Variants in MTMR7 observed in about 807,000 individuals in gnomAD.
The protein encoded by MTMR7 is myotubularin related protein 7, also known as phosphatidylinositol-3-phosphate phosphatase MTMR7.
MTMR7 carries 76 observed loss-of-function variants against 81.2 expected under a neutral mutation model. The observed-to-expected ratio is 0.94, with a 90% CI of 0.78 to 1.13. MTMR7 has a LOEUF of 1.13. MTMR7 is among the 50% of genes most tolerant of loss of function. MTMR7 has a pLI of 0.00. For missense variants in MTMR7, 1,044 were observed against 820.0 expected (o/e 1.27, Z -3.34); for synonymous variants, 372 against 289.8 (o/e 1.28, Z -2.88).
intron 1 of MTMR7, among the ~76,000 whole-genome samples, chr8:17,377,897 T>A (rs1820637034): frequency 6.6e-6 from 1 of 152,112 alleles, no homozygotes; most frequent in Non-Finnish European, 1.5e-5. Flanking sequence ...ATTATGAAAG[T>A]ATGGGAGGAG....
At chr8:17,317,303 G>A (rs73666110) in intron 7 of MTMR7, among the ~76,000 whole-genome samples, 3,223 of 152,272 alleles carry the variant, frequency 0.021, 138 homozygotes, top group African/African-American at 0.073. Flanking sequence ...TGCTATGGGG[G>A]ATTTGGCCAA....
At position 17,298,743 on chromosome 8, in the gene MTMR7, T is replaced by G. The variant is rs1029270111; in HGVS notation, c.*1119A>C. On this transcript the variant is annotated 3_prime_UTR_variant, in exon 14 of 14. Coordinates refer to ENST00000180173, the MANE Select transcript of MTMR7 (RefSeq NM_004686.5). ...CCACTTTTCCCCACTAAGTTTAATT[T>G]AGGTCACCTAGTGAAGTCTTTTTTA... is the stretch of plus-strand genomic sequence containing the variant. 2 of 152,616 alleles carry G rather than the reference T, an allele frequency of 1.3e-5. No homozygotes were observed. The highest frequency in any genetic ancestry group is 4.8e-5 in the African/African-American group (2 of 41,468). 9.5% of individuals were successfully genotyped at this position (152,616 alleles called of 1,614,324 possible).
rs187072358 is a variant in MTMR7 at position 17,335,871 on chromosome 8, A to G, written c.733-4589T>C. On this transcript the variant is annotated intron_variant, in intron 6 of 13. Transcript: ENST00000180173. ...GAATTCCAGTCCCGTATGTGACGCA[A>G]AATTAGCTCTTCCCCGCCGCCTTAC... is the stretch of plus-strand genomic sequence containing the variant. Among the ~76,000 whole-genome samples the G allele has an allele frequency of 3.9e-3, 598 of 152,294 alleles. 3 individuals carry two copies. The highest frequency in any genetic ancestry group is 0.014 in the African/African-American group (562 of 41,558).
intron 11 of MTMR7, among the ~76,000 whole-genome samples, chr8:17,304,746 CGTGTGT>C (rs10527892): frequency 2.5e-3 from 373 of 147,084 alleles, no homozygotes; most frequent in Non-Finnish European, 3.8e-3. Flanking sequence ...GTGTTCGATT[CGTGTGT>C]GTGTGTGTGT....
rs530262043 is a variant in MTMR7, at chr8:17,379,335, T to G, written c.25-6095A>C. Among the ~76,000 whole-genome samples, 21 of 152,244 alleles carry G rather than the reference T, an allele frequency of 1.4e-4. 1 individual carries two copies. Among genetic ancestry groups the G allele is most frequent in the African/African-American group, 5.1e-4 (21 of 41,544 alleles). ...TTTGAGCGGGCAGAAGCAGATAGTC[T>G]GACCACGCGAACTCCACCCCGGAGC... On this transcript the variant is annotated intron_variant, in intron 1 of 13. Transcript: ENST00000180173.
intron 1 of MTMR7, among the ~76,000 whole-genome samples, chr8:17,406,619 C>G: frequency 6.6e-6 from 1 of 152,192 alleles, no homozygotes; most frequent in Non-Finnish European, 1.5e-5. Context: ...TACGATTCAC[C>G]AAATTCTGTT....
At chr8:17,367,653 G>C (rs539583861) in intron 3 of MTMR7, among the ~76,000 whole-genome samples, 1 of 152,212 alleles carries the variant, frequency 6.6e-6, no homozygotes, top group African/African-American at 2.4e-5. Context: ...TTAATAATTT[G>C]ATTTACCTTA....
chr8:17,401,262 A>C (rs1821421629), intron 1 of MTMR7, among the ~76,000 whole-genome samples: 1 of 152,162 alleles, frequency 6.6e-6, no homozygotes, highest in Admixed American at 6.5e-5. Context: ...ATTTGAGCAA[A>C]GATCTAAAAA....
intron 1 of MTMR7, among the ~76,000 whole-genome samples, chr8:17,399,777 A>T (rs1557587): frequency 0.38 from 57,911 of 151,904 alleles, 13,280 homozygotes; most frequent in Admixed American, 0.56. Context: ...CATTATTCAC[A>T]GTAGTCGAGA....
intron 1 of MTMR7, among the ~76,000 whole-genome samples, chr8:17,405,855 C>A (rs1401292779): frequency 1.2e-5 from 1 of 84,680 alleles, no homozygotes; most frequent in Non-Finnish European, 2.5e-5. Context: ...CACACACACA[C>A]ACACACACAC....
intron 7 of MTMR7, among the ~76,000 whole-genome samples, chr8:17,317,421 G>T (rs537645916): frequency 6.6e-6 from 1 of 152,168 alleles, no homozygotes; most frequent in African/African-American, 2.4e-5. Flanking sequence ...GAGGACAGCT[G>T]GGGCAGTAAC....
intron 1 of MTMR7, among the ~76,000 whole-genome samples, chr8:17,404,745 G>A (rs907639548): frequency 1.3e-5 from 2 of 152,158 alleles, no homozygotes; most frequent in East Asian, 3.9e-4. Flanking sequence ...TCAGGTAATA[G>A]AGACTTACCC....
chr8:17,344,081 T>A (rs887888696), intron 5 of MTMR7, among the ~76,000 whole-genome samples: 1 of 152,030 alleles, frequency 6.6e-6, no homozygotes, highest in South Asian at 2.1e-4. Flanking sequence ...GAACTTTGCA[T>A]ATTTTTATTT....
Position 17,376,571 on chromosome 8 carries a change from C to T in MTMR7, c.25-3331G>A, listed in dbSNP as rs1820595590. On this transcript the variant is annotated intron_variant, in intron 1 of 13. Transcript: ENST00000180173. ...TTCCTACCACCAATATACAAGGGTT[C>T]CAACTTCTCCACATCCTTGATAACA... 5.3e-5 allele frequency among the ~76,000 whole-genome samples: 8 copies of T among 152,136 alleles called. No homozygotes were observed. In the South Asian group the frequency reaches 1.7e-3, roughly 32 times the overall value.
chr8:17,314,618 AC>A (rs1286034977), intron 7 of MTMR7, among the ~76,000 whole-genome samples: 2 of 152,222 alleles, frequency 1.3e-5, no homozygotes, highest in Non-Finnish European at 2.9e-5. Context: ...AAAGCCACAC[AC>A]AAAAAAGCAC....
chr8:17,403,429 G>A (rs1020524931), intron 1 of MTMR7, among the ~76,000 whole-genome samples: 5 of 152,062 alleles, frequency 3.3e-5, no homozygotes, highest in African/African-American at 7.2e-5. Flanking sequence ...CTGTTCCAGC[G>A]GTCTATGTCT....
At chr8:17,357,020 C>G (rs1180515842) in intron 4 of MTMR7, among the ~76,000 whole-genome samples, 1 of 152,030 alleles carries the variant, frequency 6.6e-6, no homozygotes, top group East Asian at 1.9e-4. Flanking sequence ...ACATATACAG[C>G]CCACTTAACA....
chr8:17,330,190 G>A (rs1032488639), intron 7 of MTMR7, among the ~76,000 whole-genome samples: 1 of 152,226 alleles, frequency 6.6e-6, no homozygotes, highest in African/African-American at 2.4e-5. Flanking sequence ...ATTAAACGAA[G>A]AACGGCTTAA....
At chr8:17,390,782 C>G (rs971153188) in intron 1 of MTMR7, among the ~76,000 whole-genome samples, 3 of 152,154 alleles carry the variant, frequency 2.0e-5, no homozygotes, top group Non-Finnish European at 4.4e-5. Flanking sequence ...AGGGGAAGAG[C>G]CCCTTATGAA....
Sources: allele counts gnomAD v4.1 joint callset (sites outside exome capture counted in the v4.1 genomes callset), GRCh38; gene constraint gnomAD v4.1.1; transcripts MANE v1.5; gene names NCBI Gene and HGNC (gene_info 2026-07-23, HGNC 2026-07-21).